Variants in USP36 observed in about 807,000 individuals in gnomAD.
USP36 encodes the protein ubiquitin carboxyl-terminal hydrolase 36.
In USP36, 59 loss-of-function variants were observed where a neutral mutation model predicts 111.5. The observed-to-expected ratio is 0.53, with a 90% CI of 0.43 to 0.66. The LOEUF (loss-of-function observed/expected upper bound fraction) is 0.66. Among genes scored for constraint, USP36 ranks in the 30% least tolerant of loss-of-function variants. The pLI, the probability that USP36 is intolerant of heterozygous loss-of-function variation, is 0.00. For missense variants in USP36, 1,488 were observed against 1,468.0 expected, an observed-to-expected ratio of 1.01 and a Z score of -0.22; for synonymous variants, 628 against 581.0, an observed-to-expected ratio of 1.08 and a Z score of -1.16.
intron 15 of USP36, among the ~76,000 whole-genome samples, chr17:78,804,473 A>G (rs1355746161): frequency 7.8e-6 from 1 of 128,638 alleles, no homozygotes. Context: ...AAAAAAAAAA[A>G]CCAAAAAAAC....
rs2093775070 is a variant in USP36, at chr17:78,802,376, C to G, written c.2970G>C (p.Glu990Asp). 1.2e-6 allele frequency: 2 copies of G among 1,606,552 alleles called. No homozygotes were observed. Among genetic ancestry groups the G allele is most frequent in the African/African-American group, 2.7e-5 (2 of 74,842 alleles). ...TCGCGGATGGTGCGCAGCTGCTGGA[C>G]TCGGGGACAACAGCATCTTGGGGCT... is the stretch of plus-strand genomic sequence containing the variant. ...SAKPQDAVVP[E>D]SSSCAPSANG... The change falls in exon 17 of 21, where the codon GAG (glutamate) becomes GAC (aspartate). Residue 990 changes from glutamate to aspartate, a missense_variant. Around this residue, in one of 3 missense-constraint regions of USP36, gnomAD observed 1,073 missense variants for 994.1 expected, o/e 1.08. Transcript: ENST00000449938.
chr17:78,840,446 A>G (rs4796820), intron 1 of USP36: 125,791 of 152,444 alleles, frequency 0.83, 52,508 homozygotes, highest in African/African-American at 0.95. Context: ...GGCCCCGGCG[A>G]CCCCCATCAC....
At chr17:78,792,921 G>A (rs1014740094), downstream of USP36, among the ~76,000 whole-genome samples, 1 of 152,062 alleles carries the variant, frequency 6.6e-6, no homozygotes, top group Admixed American at 6.5e-5. Flanking sequence ...TCACCATGTT[G>A]GTCAGGCTGG....
chr17:78,791,129 C>CTTTTT (rs10522788), downstream of USP36, among the ~76,000 whole-genome samples: 2 of 121,234 alleles, frequency 1.6e-5, no homozygotes, highest in South Asian at 2.8e-4. Context: ...ATCTGGCCTT[C>CTTTTT]TTTTTTTTTT....
chr17:78,799,077 GCTTCA>G, intron 18 of USP36, 54 bp from the exon 19 acceptor site: 1 of 1,553,516 alleles, frequency 6.4e-7, no homozygotes, highest in Admixed American at 1.7e-5. Context: ...GTCCCCTGTG[GCTTCA>G]CTTCAAGAGT....
chr17:78,817,417 A>G (rs1225804777), intron 10 of USP36, among the ~76,000 whole-genome samples: 1 of 152,170 alleles, frequency 6.6e-6, no homozygotes, highest in African/African-American at 2.4e-5. Context: ...GTCATTCCAA[A>G]CCACATAACC....
At chr17:78,819,655 T>G (rs2094272058) in intron 9 of USP36, among the ~76,000 whole-genome samples, 1 of 152,242 alleles carries the variant, frequency 6.6e-6, no homozygotes, top group Non-Finnish European at 1.5e-5. Flanking sequence ...TGCCTCAGTT[T>G]CACCATCCCT....
intron 13 of USP36, among the ~76,000 whole-genome samples, chr17:78,809,830 G>A (rs2094005507): frequency 6.6e-6 from 1 of 151,932 alleles, no homozygotes; most frequent in Admixed American, 6.6e-5. Context: ...GGAGATGGGG[G>A]TCTTTCTATG....
In USP36 at chr17:78,802,419, T is replaced by G. The variant is rs374235197; in HGVS notation, c.2927A>C (p.Lys976Thr). 2 of 1,612,604 alleles carry G rather than the reference T, an allele frequency of 1.2e-6. No homozygotes were observed. The highest frequency in any genetic ancestry group is 4.5e-5 in the East Asian group (2 of 44,882). The change falls in exon 17 of 21, where the codon AAA becomes ACA. Residue 976 changes from lysine (K) to threonine (T), a missense_variant. Transcript: ENST00000449938. ...TTGGGGCTTGGCACTCCTTGGGCAT[T>G]TGAGATGCCCATCCTCTTCTACTGC... ...QRAVEEDGHL[K>T]CPRSAKPQDA...
At chr17:78,795,490 T>C (rs2093616287), downstream of USP36, among the ~76,000 whole-genome samples, 1 of 152,152 alleles carries the variant, frequency 6.6e-6, no homozygotes, top group Non-Finnish European at 1.5e-5. The surrounding 1 kb of genome is among the most constrained non-coding windows in gnomAD (Gnocchi z 4.5). Context: ...ACCTATTCAC[T>C]AGGGCTGCTC....
intron 18 of USP36, among the ~76,000 whole-genome samples, 160 bp from the exon 19 acceptor site, chr17:78,799,183 G>T (rs182335364): frequency 6.6e-6 from 1 of 152,304 alleles, no homozygotes; most frequent in Admixed American, 6.5e-5. Flanking sequence ...ACGGCTCGAC[G>T]CCCATGTGTG....
chr17:78,799,430 T>G (rs2093686525), intron 18 of USP36, among the ~76,000 whole-genome samples: 1 of 152,210 alleles, frequency 6.6e-6, no homozygotes, highest in Non-Finnish European at 1.5e-5. Flanking sequence ...CTCCTCACCC[T>G]GCCCCAACCC....
intron 17 of USP36, 45 bp downstream of exon 17, chr17:78,802,279 C>G: frequency 6.6e-7 from 1 of 1,524,004 alleles, no homozygotes. Context: ...AACCCCTCGC[C>G]CGGTGCACAC....
chr17:78,828,462 G>A (rs2067779602), intron 5 of USP36, among the ~76,000 whole-genome samples: 1 of 152,012 alleles, frequency 6.6e-6, no homozygotes, highest in Non-Finnish European at 1.5e-5. Context: ...CCACCTGCCT[G>A]CCCCAAATAC....
In USP36 at chr17:78,805,746, C is replaced by T. The variant is rs549358631; in HGVS notation, c.2216+410G>A. ...CATGACGCTAGCAGGCAAGACGTCC[C>T]ACAAAAAACGCTCGGGACTCCGAGC... On this transcript the variant is annotated intron_variant, in intron 15 of 20. Transcript: ENST00000449938. Among the ~76,000 whole-genome samples, 3 of 152,314 alleles carry T rather than the reference C, an allele frequency of 2.0e-5. No individual in the cohort carries two copies. The South Asian group carries it at 6.2e-4, about 32-fold the overall frequency.
rs2093897288 is a variant in USP36, at chr17:78,806,227, G to A, written c.2145C>T (p.Ser715=). The part of the protein sequence containing the change: ...NDLRPPPPSP[S]SDLTHPMKTS... ...TTTTCATGGGGTGGGTGAGGTCGGAGGATGGTGAGGGGGGAGGTGGACGGA... is the reference window on the plus strand; with the variant it reads ...TTTTCATGGGGTGGGTGAGGTCGGAAGATGGTGAGGGGGGAGGTGGACGGA... The change falls in exon 15 of 21, where the codon TCC becomes TCT. Residue 715 remains serine (S), a synonymous_variant. Coordinates refer to ENST00000449938, the MANE Select transcript of USP36 (RefSeq NM_001385174.1). 6.2e-7 allele frequency: 1 copy of A among 1,613,768 alleles called. No homozygotes were observed. The highest frequency in any genetic ancestry group is 1.7e-5 in the Admixed American group (1 of 59,970).
intron 14 of USP36, among the ~76,000 whole-genome samples, chr17:78,806,663 G>A (rs2093910525): frequency 2.0e-5 from 3 of 152,140 alleles, no homozygotes; most frequent in South Asian, 4.1e-4. Context: ...CCTCCCTCGG[G>A]TTCAGTCAGG....
intron 14 of USP36, among the ~76,000 whole-genome samples, chr17:78,806,636 G>A (rs1396906389): frequency 6.6e-6 from 1 of 152,182 alleles, no homozygotes; most frequent in Non-Finnish European, 1.5e-5. Flanking sequence ...CTAGGGACAC[G>A]TGCTGGTGGG....
downstream of USP36, among the ~76,000 whole-genome samples, chr17:78,793,022 C>T (rs912660424): frequency 1.5e-4 from 23 of 151,470 alleles, no homozygotes; most frequent in South Asian, 6.3e-4. Flanking sequence ...GCCCCCCTCA[C>T]CCCCCCAGGA....
Sources: allele counts gnomAD v4.1 joint callset (sites outside exome capture counted in the v4.1 genomes callset), GRCh38; gene constraint gnomAD v4.1.1; regional missense constraint gnomAD v4.1.1; non-coding constraint Gnocchi (gnomAD v3.1); transcripts MANE v1.5; gene names NCBI Gene and HGNC (gene_info 2026-07-23, HGNC 2026-07-21).